RABGAP1L: variants seen among roughly 807,000 people sequenced by gnomAD.
RABGAP1L encodes rab GTPase-activating protein 1-like.
In RABGAP1L, 63 loss-of-function variants were observed where a neutral mutation model predicts 137.7. That is an observed-to-expected ratio of 0.46 (90% CI 0.37 to 0.56). RABGAP1L has a LOEUF of 0.56. RABGAP1L is among the 20% of genes least tolerant of loss of function. RABGAP1L has a pLI of 0.00. For missense variants in RABGAP1L, 1,095 were observed against 1,244.0 expected, an observed-to-expected ratio of 0.88 and a Z score of 1.80; for synonymous variants, 431 against 433.7, an observed-to-expected ratio of 0.99 and a Z score of 0.08.
intron 3 of RABGAP1L, among the ~76,000 whole-genome samples, chr1:174,223,132 G>C (rs1374345788): frequency 6.6e-6 from 1 of 151,920 alleles, no homozygotes; most frequent in Admixed American, 6.6e-5. Flanking sequence ...ACTGGGTGTG[G>C]CAGCACATGC....
At chr1:174,714,962 A>T (rs1238661338) in intron 17 of RABGAP1L, among the ~76,000 whole-genome samples, 12 of 152,198 alleles carry the variant, frequency 7.9e-5, no homozygotes, top group Admixed American at 7.2e-4. Context: ...AAGACAAGCT[A>T]TATATTAGCT....
chr1:174,196,247 T>A (rs1571491204), intron 1 of RABGAP1L, among the ~76,000 whole-genome samples: 1 of 146,054 alleles, frequency 6.8e-6, no homozygotes, highest in East Asian at 2.0e-4. Context: ...TTTTTGAGAC[T>A]GAGTCTTGCT....
chr1:174,367,544 G>T (rs189407747), intron 11 of RABGAP1L: 162 of 226,338 alleles, frequency 7.2e-4, no homozygotes, highest in African/African-American at 3.5e-3. Flanking sequence ...GGTAAAACTG[G>T]ACATAATGTT....
intron 14 of RABGAP1L, among the ~76,000 whole-genome samples, chr1:174,648,968 C>CT (rs958197796): frequency 2.0e-5 from 3 of 152,024 alleles, no homozygotes; most frequent in Admixed American, 2.0e-4. Context: ...CCATCTTTGA[C>CT]TTTTTTGATC....
intron 24 of RABGAP1L, among the ~76,000 whole-genome samples, 157 bp from the exon 25 acceptor site, chr1:174,988,484 A>G (rs1424963444): frequency 6.6e-6 from 1 of 152,232 alleles, no homozygotes; most frequent in Non-Finnish European, 1.5e-5. Context: ...GGTTCGGGCT[A>G]ATGATTTTGA....
chr1:174,880,366 T>C (rs1022207284), intron 19 of RABGAP1L, among the ~76,000 whole-genome samples: 1 of 151,970 alleles, frequency 6.6e-6, no homozygotes, highest in Non-Finnish European at 1.5e-5. Context: ...GTGCTGTGAC[T>C]CATGCCTGTA....
chr1:174,787,045 G>A (rs1360105830), intron 18 of RABGAP1L, among the ~76,000 whole-genome samples: 1 of 152,162 alleles, frequency 6.6e-6, no homozygotes, highest in Non-Finnish European at 1.5e-5. Context: ...AGTTGTTATT[G>A]TAGGGTCATA....
At chr1:174,253,432 A>G (rs1348618681) in intron 7 of RABGAP1L, among the ~76,000 whole-genome samples, 4 of 152,226 alleles carry the variant, frequency 2.6e-5, no homozygotes, top group Non-Finnish European at 5.9e-5. Context: ...AATTGGACAC[A>G]TAAGTCTTAT....
At chr1:174,499,901 ATT>A (rs991011872) in intron 13 of RABGAP1L, among the ~76,000 whole-genome samples, 3 of 152,180 alleles carry the variant, frequency 2.0e-5, no homozygotes, top group African/African-American at 7.2e-5. Context: ...AATGTTATTA[ATT>A]TTAGACCCTA....
chr1:174,637,403 G>A lies in RABGAP1L; in HGVS notation c.1739G>A (p.Arg580Gln), dbSNP rs1674147426. The stretch of plus-strand genomic sequence containing the variant: ...TCAGCCCAGGAGAGTGTTATTACTC[G>A]AGATATTCATCGTACATTTCCCGCA... ...KDSAQESVIT[R>Q]DIHRTFPAHD... The change falls in exon 14 of 26, where the codon CGA (arginine) becomes CAA (glutamine). Residue 580 changes from arginine to glutamine, a missense_variant. Arg to Gln is a conservative substitution (Grantham distance 43, BLOSUM62 1). Transcript: ENST00000681986. The A allele has an allele frequency of 6.2e-7, 1 of 1,612,298 alleles. No homozygotes were observed. The highest frequency in any genetic ancestry group is 8.5e-7 in the Non-Finnish European group (1 of 1,178,502).
intron 19 of RABGAP1L, among the ~76,000 whole-genome samples, chr1:174,942,323 C>A (rs774358442): frequency 2.0e-5 from 3 of 152,180 alleles, no homozygotes; most frequent in Non-Finnish European, 4.4e-5. Flanking sequence ...GCAGTTATTT[C>A]TCTTGTTCTA....
At chr1:174,541,795 A>T (rs1236652632) in intron 13 of RABGAP1L, among the ~76,000 whole-genome samples, 7 of 151,956 alleles carry the variant, frequency 4.6e-5, no homozygotes, top group Non-Finnish European at 8.8e-5. Context: ...AAAAGTTTTT[A>T]GCGTGAAGGG....
In RABGAP1L at chr1:174,731,472, G is replaced by C. The variant is rs574511480; in HGVS notation, c.2170-20841G>C. Among the ~76,000 whole-genome samples the C allele has an allele frequency of 2.6e-5, 4 of 152,200 alleles. No individual in the cohort carries two copies. In the East Asian group the frequency reaches 7.7e-4, roughly 29 times the overall value. Reference sequence around the variant, plus strand: ...CTTTTTCTTGATTTTTAATTCTTTTGCTTTTACATCTGTGAAAAATAGATC... The same window carrying C: ...CTTTTTCTTGATTTTTAATTCTTTTCCTTTTACATCTGTGAAAAATAGATC... On this transcript the variant is annotated intron_variant, in intron 17 of 25. Coordinates refer to ENST00000681986, the MANE Select transcript of RABGAP1L (RefSeq NM_001366446.1).
At chr1:174,194,926 A>C (rs886639495) in intron 1 of RABGAP1L, among the ~76,000 whole-genome samples, 1 of 152,200 alleles carries the variant, frequency 6.6e-6, no homozygotes. Context: ...TTTCACCCTA[A>C]TATGGTGTGA....
chr1:174,386,664 C>G (rs565879333), intron 12 of RABGAP1L, among the ~76,000 whole-genome samples: 1 of 152,104 alleles, frequency 6.6e-6, no homozygotes, highest in African/African-American at 2.4e-5. Flanking sequence ...TGGGCCACCA[C>G]GCCTGGCTAA....
At chr1:174,439,917 T>G (rs990308607) in intron 13 of RABGAP1L, among the ~76,000 whole-genome samples, 13 of 152,210 alleles carry the variant, frequency 8.5e-5, no homozygotes, top group African/African-American at 3.1e-4. Flanking sequence ...CAAAGGTGAA[T>G]GAAGTAAATA....
At chr1:174,962,576 T>C (rs1395522349) in intron 20 of RABGAP1L, among the ~76,000 whole-genome samples, 1 of 152,182 alleles carries the variant, frequency 6.6e-6, no homozygotes, top group Non-Finnish European at 1.5e-5. Context: ...ATAGTAAAAA[T>C]AATACAAATG....
chr1:174,420,395 A>G (rs530908830), intron 13 of RABGAP1L, among the ~76,000 whole-genome samples: 1 of 152,242 alleles, frequency 6.6e-6, no homozygotes, highest in South Asian at 2.1e-4. Flanking sequence ...AAGAGTTAAG[A>G]TGTTATTCAT....
intron 17 of RABGAP1L, among the ~76,000 whole-genome samples, chr1:174,730,881 G>T (rs773125274): frequency 6.6e-6 from 1 of 152,164 alleles, no homozygotes; most frequent in Non-Finnish European, 1.5e-5. Context: ...AACTTAATGA[G>T]TAGAAAGTTT....
Sources: gnomAD v4.1 joint callset for allele counts (sites outside exome capture counted in the v4.1 genomes callset) on GRCh38, gnomAD v4.1.1 for gene constraint, MANE v1.5 for transcripts, NCBI Gene and HGNC (gene_info 2026-07-23, HGNC 2026-07-21) for gene names.